The following IGF2BP3 variants were observed in gnomAD, a reference collection of about 807,000 sequenced individuals.
The protein encoded by IGF2BP3 is insulin-like growth factor 2 mRNA-binding protein 3.
In IGF2BP3, 9 loss-of-function variants were observed where a neutral mutation model predicts 73.8. The observed-to-expected ratio is 0.12, with a 90% confidence interval of 0.07 to 0.21. The LOEUF (loss-of-function observed/expected upper bound fraction) is 0.21, where lower values mean the gene tolerates loss of function less well. Ranked by LOEUF, IGF2BP3 falls within the 10% of genes least tolerant of loss-of-function variation. The pLI, the probability that IGF2BP3 is intolerant of heterozygous loss-of-function variation, is 1.00. For synonymous variants in IGF2BP3, 258 were observed against 256.7 expected (o/e 1.01, Z -0.05); for missense variants, 542 against 714.0 (o/e 0.76, Z 2.75).
intron 3 of IGF2BP3, among the ~76,000 whole-genome samples, chr7:23,407,325 A>G (rs1786866149): frequency 6.6e-6 from 1 of 151,384 alleles, no homozygotes; most frequent in Non-Finnish European, 1.5e-5. Context: ...AAAAAAAAAA[A>G]GGGCTGGGTG....
intron 3 of IGF2BP3, among the ~76,000 whole-genome samples, chr7:23,383,671 A>G (rs562062065): frequency 6.6e-6 from 1 of 152,350 alleles, no homozygotes; most frequent in South Asian, 2.1e-4. Context: ...TTCACACAAG[A>G]AATCGTACAT....
chr7:23,326,219 G>A (rs150655141), intron 10 of IGF2BP3, among the ~76,000 whole-genome samples: 16,716 of 151,158 alleles, frequency 0.11, 2,098 homozygotes, highest in African/African-American at 0.31. Flanking sequence ...CAAATTTACA[G>A]GAAAAAAACA....
rs541034424 is a variant in IGF2BP3, at chr7:23,444,067, A to G, written c.236+24415T>C. 3.3e-5 allele frequency among the ~76,000 whole-genome samples: 5 copies of G among 152,274 alleles called. No individual in the cohort carries two copies. The East Asian group carries it at 9.7e-4, about 29-fold the overall frequency. On this transcript the variant is annotated intron_variant, in intron 2 of 14. Transcript: ENST00000258729. ...TAGAATTAAATTTAGAGCACTGAAC[A>G]AGTTCCAGTTAATACAATGTGTTGT...
At chr7:23,372,408 T>C (rs778626199) in intron 3 of IGF2BP3, among the ~76,000 whole-genome samples, 4 of 152,106 alleles carry the variant, frequency 2.6e-5, no homozygotes, top group Non-Finnish European at 5.9e-5. Context: ...ATTTCTGAGA[T>C]TTTGGTGCAC....
At chr7:23,453,588 G>C (rs1325083262) in intron 2 of IGF2BP3, among the ~76,000 whole-genome samples, 2 of 152,144 alleles carry the variant, frequency 1.3e-5, no homozygotes, top group Non-Finnish European at 2.9e-5. Flanking sequence ...ATTACACAAA[G>C]CCATGAGGAC....
At chr7:23,450,368 G>A (rs904530259) in intron 2 of IGF2BP3, among the ~76,000 whole-genome samples, 1 of 152,098 alleles carries the variant, frequency 6.6e-6, no homozygotes, top group African/African-American at 2.4e-5. Flanking sequence ...TGAGTATCTG[G>A]CAGATATTTT....
intron 10 of IGF2BP3, among the ~76,000 whole-genome samples, chr7:23,322,466 G>T (rs1046116466): frequency 6.6e-6 from 1 of 152,148 alleles, no homozygotes. Context: ...GAAAGTGACG[G>T]GGAGAATGGA....
At chr7:23,338,333 T>TC (rs1784624873) in intron 10 of IGF2BP3, among the ~76,000 whole-genome samples, 1 of 152,156 alleles carries the variant, frequency 6.6e-6, no homozygotes, top group African/African-American at 2.4e-5. Context: ...GAAGCGCCCC[T>TC]CCAAAGACTA....
intron 10 of IGF2BP3, among the ~76,000 whole-genome samples, chr7:23,325,628 C>G (rs538277293): frequency 6.6e-6 from 1 of 152,084 alleles, no homozygotes; most frequent in South Asian, 2.1e-4. Flanking sequence ...AATCCTAAGC[C>G]AAAAGAACAA....
At chr7:23,412,830 T>TA (rs1434879347) in intron 3 of IGF2BP3, among the ~76,000 whole-genome samples, 1 of 144,774 alleles carries the variant, frequency 6.9e-6, no homozygotes, top group Non-Finnish European at 1.5e-5. Flanking sequence ...ATCCTTTCCT[T>TA]AAGACTCTGG....
chr7:23,461,977 A>G (rs1788459241), intron 2 of IGF2BP3, among the ~76,000 whole-genome samples: 1 of 152,164 alleles, frequency 6.6e-6, no homozygotes, highest in African/African-American at 2.4e-5. Context: ...TTCCATTTTC[A>G]CTTAGGGTAA....
intron 10 of IGF2BP3, among the ~76,000 whole-genome samples, chr7:23,330,319 T>C (rs1454825754): frequency 1.3e-5 from 2 of 148,402 alleles, no homozygotes; most frequent in African/African-American, 2.5e-5. Flanking sequence ...ATAATATTTA[T>C]ACAATATATA....
intron 5 of IGF2BP3, among the ~76,000 whole-genome samples, chr7:23,357,385 T>C (rs1256033885): frequency 1.3e-5 from 2 of 152,130 alleles, no homozygotes; most frequent in African/African-American, 4.8e-5. Context: ...GCAATTCTCC[T>C]GCCTCAGAAT....
At chr7:23,410,719 G>A (rs1443441376) in intron 3 of IGF2BP3, among the ~76,000 whole-genome samples, 1 of 152,196 alleles carries the variant, frequency 6.6e-6, no homozygotes, top group Admixed American at 6.5e-5. Context: ...GTCCAGACCT[G>A]GGGAGGATCC....
rs200722165 is a variant in IGF2BP3 at position 23,367,697 on chromosome 7, T to TA, written c.286-5957dup. Among the ~76,000 whole-genome samples, 1,009 of 148,054 alleles carry TA rather than the reference T, an allele frequency of 6.8e-3. 11 individuals are homozygous for TA. Among genetic ancestry groups the TA allele is most frequent in the African/African-American group, 0.022 (890 of 40,618 alleles). Reference sequence around the variant, plus strand: ...GAAACCCTCAAATGTTCAGCCTTTTTAAAAAAAAAAAGTTCATCCACGGCT... The same window carrying TA: ...GAAACCCTCAAATGTTCAGCCTTTTTAAAAAAAAAAAAGTTCATCCACGGCT... On this transcript the variant is annotated intron_variant, in intron 3 of 14. Transcript: ENST00000258729.
At chr7:23,460,555 A>G (rs1320941633) in intron 2 of IGF2BP3, among the ~76,000 whole-genome samples, 1 of 151,780 alleles carries the variant, frequency 6.6e-6, no homozygotes, top group East Asian at 1.9e-4. Flanking sequence ...GAGTAGATCA[A>G]TCGTCATTTG....
intron 10 of IGF2BP3, among the ~76,000 whole-genome samples, chr7:23,331,253 C>G (rs946223120): frequency 6.6e-6 from 1 of 152,270 alleles, no homozygotes; most frequent in South Asian, 2.1e-4. Context: ...AGTTTGTGCT[C>G]TTTGACTTAG....
At chr7:23,341,962 C>T (rs1784723021) in intron 10 of IGF2BP3, 102 bp downstream of exon 10, 1 of 1,274,600 alleles carries the variant, frequency 7.8e-7, no homozygotes, top group African/African-American at 1.6e-5. Flanking sequence ...TTAGCAAGAA[C>T]TGGAGAGCAT....
At chr7:23,347,758 G>A (rs370928063) in intron 6 of IGF2BP3, 24 bp from the exon 7 acceptor site, 2 of 1,613,692 alleles carry the variant, frequency 1.2e-6, no homozygotes, top group Non-Finnish European at 1.7e-6. Context: ...CAAGCAGAGA[G>A]GAAAACGAGA....
Sources: allele counts gnomAD v4.1 joint callset (sites outside exome capture counted in the v4.1 genomes callset), GRCh38; gene constraint gnomAD v4.1.1; transcripts MANE v1.5; gene names NCBI Gene and HGNC (gene_info 2026-07-23, HGNC 2026-07-21).